Variants in BCAR1 observed in about 807,000 individuals in gnomAD.
BCAR1 encodes breast cancer anti-estrogen resistance protein 1.
A neutral mutation model predicts 67.6 loss-of-function variants in BCAR1; 30 were observed. That is an observed-to-expected ratio of 0.44 (90% confidence interval 0.33 to 0.60). The LOEUF is 0.60. Ranked by LOEUF, BCAR1 falls within the 20% of genes least tolerant of loss-of-function variation. BCAR1 has a pLI of 0.02. For synonymous variants in BCAR1, 626 were observed against 556.7 expected (o/e 1.12, Z -1.75); for missense variants, 1,313 against 1,222.3 (o/e 1.07, Z -1.11).
intron 6 of BCAR1, among the ~76,000 whole-genome samples, chr16:75,231,363 G>A (rs2151389629): frequency 6.6e-6 from 1 of 152,272 alleles, no homozygotes; most frequent in African/African-American, 2.4e-5. Context: ...GGGATTACAA[G>A]CGTGAGCCAC....
upstream of BCAR1, among the ~76,000 whole-genome samples, chr16:75,254,818 CTGTT>C (rs139805649): frequency 0.012 from 1,761 of 152,294 alleles, 22 homozygotes; most frequent in African/African-American, 0.04. Context: ...CCTGGAATAG[CTGTT>C]TGTACAGAAA....
At chr16:75,236,009 G>C (rs780167075) in intron 4 of BCAR1, 23 bp from the exon 5 acceptor site, 24 of 1,552,490 alleles carry the variant, frequency 1.5e-5, no homozygotes, top group Non-Finnish European at 2.1e-5. Context: ...CGGTGGTCAA[G>C]ACTGTCCATC....
Position 75,243,066 on chromosome 16 carries a change from C to T in BCAR1, c.37G>A (p.Asp13Asn). 6.2e-7 allele frequency: 1 copy of T among 1,601,272 alleles called. No homozygotes were observed. The highest frequency in any genetic ancestry group is 8.5e-7 in the Non-Finnish European group (1 of 1,171,140). Residue 13 changes from aspartate to asparagine, a missense_variant, in exon 2 of 7, where the codon GAC (aspartate) becomes AAC (asparagine). Transcript: ENST00000162330. The part of the protein sequence containing the change: ...HLNVLAKALY[D>N]NVAESPDELS... ...TCATCCGGGGACTCGGCCACATTGT[C>T]ATAGAGCGCTTTGGCCAGCACGTTC...
chr16:75,246,323 C>CGCA (rs2077523744), intron 1 of BCAR1: 1 of 152,272 alleles, frequency 6.6e-6, no homozygotes, highest in African/African-American at 2.4e-5. Context: ...GGCTGGGCTC[C>CGCA]GCAGAGATAG....
At chr16:75,253,199 C>T (rs944945068), upstream of BCAR1, among the ~76,000 whole-genome samples, 2 of 152,166 alleles carry the variant, frequency 1.3e-5, no homozygotes, top group East Asian at 3.9e-4. Context: ...CTGTGCCGGG[C>T]CCCTCCTGCA....
In BCAR1 at chr16:75,234,901, G is replaced by A. The variant is rs1264470824; in HGVS notation, c.1998C>T (p.Tyr666=). Reference sequence around the variant, plus strand: ...AGGCGGCACCCACCTGTAGGTGGACGTAGTCATAGTCCTCCATCCAGCCCC... The same window carrying A: ...AGGCGGCACCCACCTGTAGGTGGACATAGTCATAGTCCTCCATCCAGCCCC... ...SEGGWMEDYD[Y]VHLQGKEEFE... is the part of the protein sequence containing the mutation. The change falls in exon 5 of 7, where the codon TAC becomes TAT. Residue 666 remains tyrosine, a synonymous_variant. Coordinates refer to ENST00000162330, the MANE Select transcript of BCAR1 (RefSeq NM_014567.5). 14 of 1,534,840 alleles carry A rather than the reference G, an allele frequency of 9.1e-6. No individual in the cohort carries two copies. The highest frequency in any genetic ancestry group is 1.8e-4 in the Middle Eastern group (1 of 5,666).
At chr16:75,238,651 A>G in intron 2 of BCAR1, 1 of 986,044 alleles carries the variant, frequency 1.0e-6, no homozygotes, top group Non-Finnish European at 1.2e-6. Context: ...CTGGTAGCAG[A>G]GTCCCGGCTG....
intron 5 of BCAR1, among the ~76,000 whole-genome samples, chr16:75,234,320 C>G (rs1597172505): frequency 6.6e-6 from 1 of 152,276 alleles, no homozygotes; most frequent in East Asian, 1.9e-4. Context: ...CCTGCCAGCT[C>G]AGGAAGAGAC....
intron 1 of BCAR1, among the ~76,000 whole-genome samples, chr16:75,251,231 C>T (rs900244630): frequency 1.3e-5 from 2 of 152,020 alleles, no homozygotes; most frequent in Non-Finnish European, 2.9e-5. Flanking sequence ...ACCCTCCTAC[C>T]GGCTGGCGGC....
Position 75,228,900 on chromosome 16 carries a change from G to A in BCAR1, c.*611C>T, listed in dbSNP as rs1597141214. Reference sequence around the variant, plus strand: ...AGACACCCAGCCTCGGCGTTCCTTGGTTTTCTTCTAGAGAGACCCACTCCT... The same window carrying A: ...AGACACCCAGCCTCGGCGTTCCTTGATTTTCTTCTAGAGAGACCCACTCCT... On this transcript the variant is annotated 3_prime_UTR_variant, in exon 7 of 7. Transcript: ENST00000162330. The A allele has an allele frequency of 6.6e-6, 1 of 152,494 alleles. No homozygotes were observed. The highest frequency in any genetic ancestry group is 1.9e-4 in the East Asian group (1 of 5,180). 9.4% of individuals were successfully genotyped at this position (152,494 alleles called of 1,614,324 possible).
Position 75,235,916 on chromosome 16 carries a change from T to G in BCAR1, c.983A>C (p.Asp328Ala), listed in dbSNP as rs1323264819. The change falls in exon 5 of 7, where the codon GAT becomes GCT. Residue 328 changes from aspartate to alanine, a missense_variant. Physicochemically the swap from Asp to Ala is moderately radical, Grantham distance 126. Transcript: ENST00000162330. ...GGCCTTGGCGAAGGCGGGGGGCACA[T>G]CGTAGGTCTCCTCACGCAGCAGTGG... ...DGPLLREETY[D>A]VPPAFAKAKP... 10 of 1,567,280 alleles carry G rather than the reference T, an allele frequency of 6.4e-6. No homozygotes were observed. Among genetic ancestry groups the G allele is most frequent in the Non-Finnish European group, 8.6e-6 (10 of 1,156,254 alleles).
chr16:75,234,124 AACAC>A (rs138882124), intron 5 of BCAR1, among the ~76,000 whole-genome samples, 189 bp from the exon 6 acceptor site: 25 of 146,994 alleles, frequency 1.7e-4, no homozygotes, highest in African/African-American at 1.8e-4. Context: ...AGCACACGTG[AACAC>A]ACACACAGAC....
intron 1 of BCAR1, among the ~76,000 whole-genome samples, chr16:75,260,251 G>C (rs2077874309): frequency 6.6e-6 from 1 of 152,106 alleles, no homozygotes; most frequent in Admixed American, 6.5e-5. Flanking sequence ...TCCAGTTGCA[G>C]AAAGTTTAAG....
intron 1 of BCAR1, among the ~76,000 whole-genome samples, chr16:75,245,114 G>C (rs183040256): frequency 6.6e-6 from 1 of 152,254 alleles, no homozygotes; most frequent in African/African-American, 2.4e-5. Context: ...GGAGGGCGGG[G>C]GCTGTCCTGC....
intron 2 of BCAR1, among the ~76,000 whole-genome samples, chr16:75,237,872 C>T (rs980484151): frequency 1.3e-5 from 2 of 152,216 alleles, no homozygotes; most frequent in African/African-American, 4.8e-5. Flanking sequence ...GCACCCCCTG[C>T]CCCACAGCAC....
At position 75,235,428 on chromosome 16, in the gene BCAR1, G is replaced by A. The variant is rs765985898; in HGVS notation, c.1471C>T (p.Arg491Cys). The A allele has an allele frequency of 1.9e-5, 31 of 1,608,014 alleles. No homozygotes were observed. The highest frequency in any genetic ancestry group is 4.5e-5 in the East Asian group (2 of 44,858). The change falls in exon 5 of 7, where the codon CGT (arginine) becomes TGT (cysteine). Residue 491 changes from arginine (R) to cysteine (C), a missense_variant. Physicochemically the swap from Arg to Cys is radical, Grantham distance 180 (BLOSUM62 -3). This residue lies in a region of BCAR1 where 1,272 missense variants were observed against 1,137.5 expected (regional missense o/e 1.12). Transcript: ENST00000162330. ...GGCTCCTGTGGCTCAGAGGGGCTAC[G>A]CCAGCTCCCAGTCGCACCGGCGCTG... ...AGSAGATGSW[R>C]SPSEPQEPLV...
chr16:75,251,702 C>G (rs1310770815), upstream of BCAR1: 3 of 990,094 alleles, frequency 3.0e-6, no homozygotes, highest in Non-Finnish European at 3.6e-6. Context: ...GCCCATTGGC[C>G]GCCGCCGCTC....
intron 1 of BCAR1, chr16:75,248,271 C>T: frequency 1.4e-6 from 2 of 1,451,894 alleles, no homozygotes; most frequent in South Asian, 1.4e-5. Flanking sequence ...CCCCAACGCA[C>T]ACATGCACCC....
chr16:75,235,484 G>T lies in BCAR1; in HGVS notation c.1415C>A (p.Ala472Asp). 1 of 1,603,156 alleles carries T rather than the reference G, an allele frequency of 6.2e-7. No individual in the cohort carries two copies. Among genetic ancestry groups the T allele is most frequent in the Non-Finnish European group, 8.5e-7 (1 of 1,176,134 alleles). ...CAGGTCCAGAAGGTGGGCAACGGTG[G>T]CGCTCACACCCTGCTGCAGCCGTGC... Reference protein sequence around the residue: ...ALARLQQGVSATVAHLLDLAG... With the variant: ...ALARLQQGVSDTVAHLLDLAG... The change falls in exon 5 of 7, where the codon GCC becomes GAC. Residue 472 changes from alanine (A) to aspartate (D), a missense_variant. Ala to Asp is a moderately radical substitution (Grantham distance 126). Transcript: ENST00000162330.
Sources: allele counts gnomAD v4.1 joint callset (sites outside exome capture counted in the v4.1 genomes callset), GRCh38; gene constraint gnomAD v4.1.1; regional missense constraint gnomAD v4.1.1; transcripts MANE v1.5; gene names NCBI Gene and HGNC (gene_info 2026-07-23, HGNC 2026-07-21).